Variants in MAST3 observed in about 807,000 individuals in gnomAD.
The protein encoded by MAST3 is microtubule-associated serine/threonine-protein kinase 3.
In MAST3, 43 loss-of-function variants were observed where a neutral mutation model predicts 127.0. The observed-to-expected ratio is 0.34, with a 90% CI of 0.27 to 0.44. The LOEUF (loss-of-function observed/expected upper bound fraction) is 0.44, where lower values mean the gene tolerates loss of function less well. Ranked by LOEUF, MAST3 falls within the 20% of genes least tolerant of loss-of-function variation. MAST3 has a pLI of 1.00. For missense variants in MAST3, 1,390 were observed against 1,919.1 expected (o/e 0.72, Z 5.15); for synonymous variants, 785 against 809.2 (o/e 0.97, Z 0.51).
intron 27 of MAST3, among the ~76,000 whole-genome samples, chr19:18,148,301 C>CA (rs199899302): frequency 0.035 from 5,108 of 144,036 alleles, 155 homozygotes; most frequent in Non-Finnish European, 0.049. Context: ...AACTCCATCT[C>CA]AAAAAAAAAA....
At chr19:18,125,149 A>G (rs917551) in intron 11 of MAST3, among the ~76,000 whole-genome samples, 77,913 of 151,824 alleles carry the variant, frequency 0.51, 20,192 homozygotes, top group East Asian at 0.68. Context: ...CAGGATTCAA[A>G]CCCAGGCCCA....
rs767166603 is a variant in MAST3 at position 18,128,941 on chromosome 19, G to A, written c.1213G>A (p.Gly405Arg). The A allele has an allele frequency of 2.5e-6, 4 of 1,613,902 alleles. No individual in the cohort carries two copies. The highest frequency in any genetic ancestry group is 1.1e-5 in the South Asian group (1 of 91,084). The change falls in exon 13 of 28, where the codon GGA becomes AGA. Residue 405 changes from glycine to arginine, a missense_variant. This residue lies in a region of MAST3 where 277 missense variants were observed against 384.8 expected (regional missense o/e 0.72). Coordinates refer to ENST00000687212, the MANE Select transcript of MAST3 (RefSeq NM_001393504.1). Reference protein sequence around the residue: ...DFETIKLISNGAYGAVYLVRH... With the variant: ...DFETIKLISNRAYGAVYLVRH... ...TGAGACCATCAAACTCATTAGCAAC[G>A]GAGCCTATGGGTGAGTCCCTGAGTC... is the stretch of plus-strand genomic sequence containing the variant.
At position 18,097,789 on chromosome 19, in the gene MAST3, G is replaced by A; in HGVS notation, c.-4G>A. The A allele has an allele frequency of 4.1e-6, 5 of 1,220,734 alleles. No homozygotes were observed. The highest frequency in any genetic ancestry group is 5.1e-6 in the Non-Finnish European group (5 of 980,896). 75.6% of individuals were successfully genotyped at this position (1,220,734 alleles called of 1,614,324 possible). On this transcript the variant is annotated 5_prime_UTR_variant, in exon 1 of 28. Coordinates refer to ENST00000687212, the MANE Select transcript of MAST3 (RefSeq NM_001393504.1). ...GCGGGCCTGGCGGCGCGGACTCCCGGGCCATGGACGAGTCGAGCCTCCTGC... is the reference window on the plus strand; with the variant it reads ...GCGGGCCTGGCGGCGCGGACTCCCGAGCCATGGACGAGTCGAGCCTCCTGC...
At position 18,122,734 on chromosome 19, in the gene MAST3, C is replaced by T; in HGVS notation, c.382C>T (p.Pro128Ser). The T allele has an allele frequency of 6.2e-7, 1 of 1,613,522 alleles. No homozygotes were observed. The highest frequency in any genetic ancestry group is 1.7e-5 in the Admixed American group (1 of 59,948). ...ATCTTCCGGCTATGGAACCAACACA[C>T]CCAGCTCCACCCTCTCGGTACCCAT... The part of the protein sequence containing the change: ...LPSSGYGTNT[P>S]SSTLSSSSSS... The change falls in exon 6 of 28, where the codon CCC becomes TCC. Residue 128 changes from proline (P) to serine (S), a missense_variant. This residue lies in a region of MAST3 where 45 missense variants were observed against 113.0 expected (regional missense o/e 0.40). Transcript: ENST00000687212.
At chr19:18,132,362 T>C (rs946735065) in intron 15 of MAST3, among the ~76,000 whole-genome samples, 7 of 152,114 alleles carry the variant, frequency 4.6e-5, no homozygotes, top group African/African-American at 1.2e-4. Flanking sequence ...ACACACTGTA[T>C]ACAGGAGAAG....
At chr19:18,107,704 G>T (rs2038187170) in intron 2 of MAST3, 86 bp downstream of exon 2, 4 of 1,327,154 alleles carry the variant, frequency 3.0e-6, no homozygotes, top group Non-Finnish European at 4.3e-6. Context: ...AATTGTGAAT[G>T]TATTTAATAA....
In MAST3 at chr19:18,150,620, T is replaced by C. The variant is rs1199474097; in HGVS notation, c.*894T>C. 1 of 152,284 alleles carries C rather than the reference T, an allele frequency of 6.6e-6. No individual in the cohort carries two copies. Among genetic ancestry groups the C allele is most frequent in the Non-Finnish European group, 1.5e-5 (1 of 68,070 alleles). 9.4% of individuals were successfully genotyped at this position (152,284 alleles called of 1,614,324 possible). ...CCACAAAACAATGTAATCCCAGCGA[T>C]GGACTGGATTCTGAAGGCCACTTCC... On this transcript the variant is annotated 3_prime_UTR_variant, in exon 28 of 28. Coordinates refer to ENST00000687212, the MANE Select transcript of MAST3 (RefSeq NM_001393504.1).
intron 15 of MAST3, 68 bp downstream of exon 15, chr19:18,132,115 AAG>A: frequency 1.3e-6 from 2 of 1,589,346 alleles, no homozygotes; most frequent in African/African-American, 1.3e-5. Context: ...GGCGGGGCCA[AAG>A]AGGATCAGGG....
chr19:18,133,527 G>T (rs2041552037), intron 15 of MAST3, among the ~76,000 whole-genome samples: 1 of 150,392 alleles, frequency 6.6e-6, no homozygotes, highest in Non-Finnish European at 1.5e-5. Context: ...TTACAGGCAT[G>T]CGCCACCACT....
In MAST3 at chr19:18,121,786, G is replaced by A. The variant is rs1278543714; in HGVS notation, c.250+13G>A. 4 of 1,613,856 alleles carry A rather than the reference G, an allele frequency of 2.5e-6. No individual in the cohort carries two copies. The Admixed American group carries it at 6.7e-5, about 27-fold the overall frequency. On this transcript the variant is annotated intron_variant, in intron 4 of 27. Transcript: ENST00000687212. ...TCGGTCCCAACGGGTGAGTGTGGGA[G>A]CAGCCAGCGGGTGCTGTGTCCTGCC... is the stretch of plus-strand genomic sequence containing the variant.
At chr19:18,142,803 G>A (rs1050530173) in intron 21 of MAST3, among the ~76,000 whole-genome samples, 2 of 151,812 alleles carry the variant, frequency 1.3e-5, no homozygotes, top group African/African-American at 4.8e-5. Flanking sequence ...ACGGCACCCG[G>A]CTAATTTTTT....
At chr19:18,098,444 A>T (rs1347190964) in intron 1 of MAST3, among the ~76,000 whole-genome samples, 2 of 152,026 alleles carry the variant, frequency 1.3e-5, no homozygotes, top group Non-Finnish European at 2.9e-5. Flanking sequence ...GGGGGAGGGC[A>T]CCCTTGCTTC....
At position 18,149,171 on chromosome 19, in the gene MAST3, C is replaced by T. The variant is rs1204369666; in HGVS notation, c.3509-20C>T. ...GGGACATTGAGGCCAGCAGCCCTGACCTACGCTTATCACCCACAGATACCA... is the reference window on the plus strand; with the variant it reads ...GGGACATTGAGGCCAGCAGCCCTGATCTACGCTTATCACCCACAGATACCA... On this transcript the variant is annotated intron_variant, in intron 27 of 27. Coordinates refer to ENST00000687212, the MANE Select transcript of MAST3 (RefSeq NM_001393504.1). This position sits in a 1 kb window ranked among gnomAD's most constrained non-coding sequence, Gnocchi z 5.9. The T allele has an allele frequency of 2.0e-6, 3 of 1,482,852 alleles. No individual in the cohort carries two copies. The South Asian group carries it at 4.1e-5, about 20-fold the overall frequency. 91.9% of individuals were successfully genotyped at this position (1,482,852 alleles called of 1,614,324 possible).
chr19:18,114,559 C>A (rs1481768116), intron 3 of MAST3, among the ~76,000 whole-genome samples: 1 of 152,204 alleles, frequency 6.6e-6, no homozygotes, highest in African/African-American at 2.4e-5. Flanking sequence ...AGAGGTTTGA[C>A]AGCCTCTCCG....
At chr19:18,130,456 G>A (rs763039858) in intron 13 of MAST3, 38 bp from the exon 14 acceptor site, 25 of 1,546,798 alleles carry the variant, frequency 1.6e-5, no homozygotes, top group Middle Eastern at 1.7e-4. Context: ...CTGGGGCCTC[G>A]ATCTCCGGTC....
chr19:18,110,718 C>G lies in MAST3; in HGVS notation c.138C>G (p.Pro46=). 9.1e-6 allele frequency: 9 copies of G among 986,020 alleles called. No homozygotes were observed. Among genetic ancestry groups the G allele is most frequent in the Non-Finnish European group, 1.1e-5 (9 of 830,056 alleles). 61.1% of individuals were successfully genotyped at this position (986,020 alleles called of 1,614,324 possible). The change falls in exon 3 of 28, where the codon CCC becomes CCG. Residue 46 remains proline (P), a synonymous_variant. Transcript: ENST00000687212. This position sits in a 1 kb window ranked among gnomAD's most constrained non-coding sequence, Gnocchi z 4.3. ...GPSSPCSPCS[P]SLGLHPWSCR... Reference sequence around the variant, plus strand: ...GCAGCCCCTGCAGCCCCTGTAGCCCCTCCTTGGGCCTGCACCCCTGGAGGT... The same window carrying G: ...GCAGCCCCTGCAGCCCCTGTAGCCCGTCCTTGGGCCTGCACCCCTGGAGGT...
chr19:18,116,688 T>C (rs1311432677), intron 3 of MAST3, among the ~76,000 whole-genome samples: 3 of 130,578 alleles, frequency 2.3e-5, no homozygotes, highest in Non-Finnish European at 4.9e-5. Context: ...GGCGGGAGGA[T>C]CACCTGAGGT....
chr19:18,139,628 T>A (rs1382272546), intron 20 of MAST3, among the ~76,000 whole-genome samples: 1 of 150,998 alleles, frequency 6.6e-6, no homozygotes, highest in Non-Finnish European at 1.5e-5. Context: ...CCTGGTCAAA[T>A]TTTTTTGTAT....
chr19:18,136,097 T>C (rs999016806), intron 18 of MAST3, among the ~76,000 whole-genome samples: 1 of 152,176 alleles, frequency 6.6e-6, no homozygotes, highest in Non-Finnish European at 1.5e-5. Context: ...GGCTGTAAAG[T>C]CACCAGGACC....
Sources: gnomAD v4.1 joint callset for allele counts (sites outside exome capture counted in the v4.1 genomes callset) on GRCh38, gnomAD v4.1.1 for gene constraint, gnomAD v4.1.1 regional missense constraint, Gnocchi (gnomAD v3.1) non-coding constraint, MANE v1.5 for transcripts, NCBI Gene and HGNC (gene_info 2026-07-23, HGNC 2026-07-21) for gene names.